CFAP44: variants seen among roughly 807,000 people sequenced by gnomAD.
CFAP44 encodes cilia- and flagella-associated protein 44.
Under a neutral mutation model 216.2 loss-of-function variants are expected in CFAP44, and 134 were observed. That is an observed-to-expected ratio of 0.62 (90% CI 0.54 to 0.72). CFAP44 has a LOEUF of 0.72. CFAP44 is among the 30% of genes least tolerant of loss of function. The pLI is 0.00. For missense variants in CFAP44, 2,035 were observed against 2,182.1 expected, an observed-to-expected ratio of 0.93 and a Z score of 1.34; for synonymous variants, 700 against 727.6, an observed-to-expected ratio of 0.96 and a Z score of 0.61.
In CFAP44 at chr3:113,363,490, G is replaced by C; in HGVS notation, c.2758C>G (p.Pro920Ala). The C allele has an allele frequency of 6.2e-7, 1 of 1,611,120 alleles. No homozygotes were observed. Among genetic ancestry groups the C allele is most frequent in the Non-Finnish European group, 8.5e-7 (1 of 1,178,916 alleles). ...TEPIPEDIED[P>A]KAYSIENARR... ...AAATTCCCATACCTGTAGGCTTTGG[G>C]ATCTTCAATGTCTTCTGGAATTGGC... The change falls in exon 20 of 35, where the codon CCC becomes GCC. Residue 920 changes from proline (P) to alanine (A), a missense_variant. Physicochemically the swap from Pro to Ala is conservative, Grantham distance 27. This residue lies in a region of CFAP44 where 1,883 missense variants were observed against 2,023.7 expected (regional missense o/e 0.93). Transcript: ENST00000393845.
chr3:113,400,042 A>G, intron 12 of CFAP44, 42 bp from the exon 13 acceptor site: 1 of 1,344,130 alleles, frequency 7.4e-7, no homozygotes, highest in South Asian at 1.6e-5. Context: ...TTATATACAT[A>G]ATTTTTTTAA....
intron 15 of CFAP44, among the ~76,000 whole-genome samples, chr3:113,384,239 T>C (rs1416553593): frequency 2.6e-5 from 4 of 152,002 alleles, no homozygotes; most frequent in African/African-American, 9.7e-5. Context: ...TTTTGTATTT[T>C]TAGTAGAGAC....
chr3:113,345,097 A>G (rs1950368330), intron 22 of CFAP44, among the ~76,000 whole-genome samples: 1 of 148,398 alleles, frequency 6.7e-6, no homozygotes, highest in Non-Finnish European at 1.5e-5. Flanking sequence ...TATATTATGT[A>G]TATATATCTA....
At chr3:113,304,670 A>G (rs1949968449) in intron 31 of CFAP44, among the ~76,000 whole-genome samples, 1 of 152,202 alleles carries the variant, frequency 6.6e-6, no homozygotes, top group Non-Finnish European at 1.5e-5. Flanking sequence ...GACTAAGCAA[A>G]GGTCATTTTA....
intron 28 of CFAP44, among the ~76,000 whole-genome samples, chr3:113,313,595 A>C (rs976948811): frequency 2.6e-5 from 4 of 152,130 alleles, no homozygotes; most frequent in Non-Finnish European, 5.9e-5. Flanking sequence ...CTCATCTTGA[A>C]TTGTACTCCC....
chr3:113,366,982 CTG>C (rs1932962315), intron 18 of CFAP44, among the ~76,000 whole-genome samples: 1 of 151,780 alleles, frequency 6.6e-6, no homozygotes, highest in African/African-American at 2.4e-5. Flanking sequence ...TGAGATCAAC[CTG>C]TGAGGCTGCA....
At chr3:113,303,333 A>G (rs1406698208) in intron 32 of CFAP44, among the ~76,000 whole-genome samples, 3 of 152,234 alleles carry the variant, frequency 2.0e-5, no homozygotes, top group Non-Finnish European at 4.4e-5. Context: ...CTAAATATCC[A>G]TCAATAGGAG....
At chr3:113,340,627 G>T (rs977746271) in intron 24 of CFAP44, among the ~76,000 whole-genome samples, 25 of 152,310 alleles carry the variant, frequency 1.6e-4, no homozygotes, top group African/African-American at 5.8e-4. Context: ...GCATACAGGC[G>T]GGCAGGCTGT....
chr3:113,333,626 A>G, intron 24 of CFAP44, 43 bp from the exon 25 acceptor site: 1 of 1,443,594 alleles, frequency 6.9e-7, no homozygotes, highest in South Asian at 1.5e-5. Flanking sequence ...AAATATGACA[A>G]TAAACTCTAA....
chr3:113,441,237 T>A (rs1935355279), intron 1 of CFAP44, among the ~76,000 whole-genome samples: 1 of 152,208 alleles, frequency 6.6e-6, no homozygotes, highest in East Asian at 1.9e-4. Flanking sequence ...CCGGTCAGAC[T>A]GACAGGGTCT....
At chr3:113,297,323 A>G (rs116111943) in intron 32 of CFAP44, among the ~76,000 whole-genome samples, 273 of 151,974 alleles carry the variant, frequency 1.8e-3, no homozygotes, top group African/African-American at 6.1e-3. Flanking sequence ...CAGCCTGCCT[A>G]CCCTGCTTTC....
intron 4 of CFAP44, among the ~76,000 whole-genome samples, chr3:113,421,160 A>T (rs548037594): frequency 6.6e-6 from 1 of 152,290 alleles, no homozygotes; most frequent in Admixed American, 6.5e-5. Flanking sequence ...GAAAAAAATA[A>T]TCCCACTAAA....
At chr3:113,320,459 T>C (rs1950133770) in intron 28 of CFAP44, among the ~76,000 whole-genome samples, 1 of 103,150 alleles carries the variant, frequency 9.7e-6, no homozygotes, top group Non-Finnish European at 2.0e-5. Context: ...ATATTACATC[T>C]ATATATCATA....
intron 21 of CFAP44, chr3:113,360,281 A>C (rs1950526624): frequency 5.1e-6 from 1 of 194,544 alleles, no homozygotes; most frequent in Non-Finnish European, 1.1e-5. Flanking sequence ...TTATCAAGTG[A>C]GATACACCAG....
At chr3:113,328,203 G>A (rs16860847) in intron 26 of CFAP44, among the ~76,000 whole-genome samples, 15,186 of 150,012 alleles carry the variant, frequency 0.1, 1,065 homozygotes, top group African/African-American at 0.19. Flanking sequence ...AAATAAATAC[G>A]TTTCCCAACT....
rs1458149257 is a variant in CFAP44 at position 113,332,567 on chromosome 3, G to A, written c.3615+839C>T. 2.6e-5 allele frequency among the ~76,000 whole-genome samples: 4 copies of A among 152,178 alleles called. No homozygotes were observed. In the East Asian group the frequency reaches 7.7e-4, roughly 29 times the overall value. The stretch of plus-strand genomic sequence containing the variant: ...ACCACATTAGGTTACGATGTATCGA[G>A]TTCTCCTAAAAGTAGTAGCTCAGAT... On this transcript the variant is annotated intron_variant, in intron 25 of 34. Transcript: ENST00000393845.
intron 21 of CFAP44, among the ~76,000 whole-genome samples, chr3:113,360,079 C>CA (rs557551907): frequency 0.014 from 1,818 of 130,388 alleles, 33 homozygotes; most frequent in African/African-American, 0.043. Context: ...ATCTTGTTAC[C>CA]AAAAAAAAAA....
chr3:113,312,859 G>A (rs1451263326), intron 28 of CFAP44, among the ~76,000 whole-genome samples: 8 of 152,132 alleles, frequency 5.3e-5, no homozygotes, highest in South Asian at 2.1e-4. Flanking sequence ...GGGAACCTCC[G>A]CCTAGATTTC....
rs560599285 is a variant in CFAP44 at position 113,295,845 on chromosome 3, A to C, written c.5238+880T>G. Among the ~76,000 whole-genome samples, 21 of 152,338 alleles carry C rather than the reference A, an allele frequency of 1.4e-4. No individual in the cohort carries two copies. The South Asian group carries it at 3.9e-3, about 29-fold the overall frequency. ...GCACAGCATGCAAAAACCATACAGT[A>C]ATACAATTCAAGCCTGAGAGGATAG... On this transcript the variant is annotated intron_variant, in intron 33 of 34. Coordinates refer to ENST00000393845, the MANE Select transcript of CFAP44 (RefSeq NM_001164496.2).
Sources: allele counts gnomAD v4.1 joint callset (sites outside exome capture counted in the v4.1 genomes callset), GRCh38; gene constraint gnomAD v4.1.1; regional missense constraint gnomAD v4.1.1; transcripts MANE v1.5; gene names NCBI Gene and HGNC (gene_info 2026-07-23, HGNC 2026-07-21).